The following ZFP37 variants were observed in gnomAD, a reference collection of about 807,000 sequenced individuals.
ZFP37 encodes the protein ZFP37 zinc finger protein.
A neutral mutation model predicts 52.1 loss-of-function variants in ZFP37; 38 were observed. The observed-to-expected ratio is 0.73, with a 90% CI of 0.56 to 0.96. The LOEUF (loss-of-function observed/expected upper bound fraction) is 0.96. Ranked by LOEUF, ZFP37 falls within the 40% of genes least tolerant of loss-of-function variation. The probability of loss-of-function intolerance (pLI) is 0.00; values close to 1 mark genes in which losing one functional copy is unlikely to be tolerated. For missense variants in ZFP37, 695 were observed against 741.4 expected (o/e 0.94, Z 0.73); for synonymous variants, 253 against 259.5 (o/e 0.98, Z 0.24).
In ZFP37 at chr9:113,049,994, T is replaced by TTACCTTGAC. The variant is rs1829028129; in HGVS notation, c.133-131_133-123dup. On this transcript the variant is annotated intron_variant, in intron 1 of 3. Coordinates refer to ENST00000374227, the MANE Select transcript of ZFP37 (RefSeq NM_003408.3). ...ATTTGGACAAGATAATAATTTGTTCTTACCTTGACTACTCACTGTTGATCA... is the reference window on the plus strand; with the variant it reads ...ATTTGGACAAGATAATAATTTGTTCTTACCTTGACTACCTTGACTACTCACTGTTGATCA... 2.8e-6 allele frequency: 4 copies of TTACCTTGAC among 1,450,938 alleles called. No individual in the cohort carries two copies. The Admixed American group carries it at 8.6e-5, about 31-fold the overall frequency. The allele number at this position is 1,450,938 out of a possible 1,614,324, so 89.9% of individuals were successfully genotyped here. A position where few individuals can be genotyped will look rare whatever the true frequency, so the allele number is the denominator to read the frequency against.
At chr9:113,049,725 A>G in intron 2 of ZFP37, 66 bp downstream of exon 2, 1 of 1,574,562 alleles carries the variant, frequency 6.4e-7, no homozygotes, top group Non-Finnish European at 8.6e-7. Context: ...GGCCAAACTT[A>G]TCAAGGACTC....
At chr9:113,045,409 T>C (rs1392190120) in intron 3 of ZFP37, among the ~76,000 whole-genome samples, 1 of 152,216 alleles carries the variant, frequency 6.6e-6, no homozygotes, top group Non-Finnish European at 1.5e-5. Context: ...CTCAATCTGA[T>C]TTGTAGTGTA....
At chr9:113,051,830 C>T (rs530533024) in intron 1 of ZFP37, among the ~76,000 whole-genome samples, 1 of 152,270 alleles carries the variant, frequency 6.6e-6, no homozygotes, top group South Asian at 2.1e-4. Flanking sequence ...CCAATAATTT[C>T]CCATCATTGA....
chr9:113,050,236 C>T (rs1829031562), intron 1 of ZFP37, among the ~76,000 whole-genome samples: 2 of 151,594 alleles, frequency 1.3e-5, no homozygotes, highest in Non-Finnish European at 2.9e-5. Context: ...AAATACAAAA[C>T]GTAGCTGGGC....
Position 113,044,277 on chromosome 9 carries a change from G to A in ZFP37, c.350-9C>T, listed in dbSNP as rs779851882. On this transcript the variant is annotated splice_polypyrimidine_tract_variant and intron_variant, in intron 3 of 3. Transcript: ENST00000374227. ...ATCATCTTTCTGGACTTCTAAAATGGAATTCAGTGAGATATTCTTGTGAAT... is the reference window on the plus strand; with the variant it reads ...ATCATCTTTCTGGACTTCTAAAATGAAATTCAGTGAGATATTCTTGTGAAT... 2 of 1,539,816 alleles carry A rather than the reference G, an allele frequency of 1.3e-6. No homozygotes were observed. Among genetic ancestry groups the A allele is most frequent in the Admixed American group, 4.5e-5 (2 of 44,062 alleles).
rs767253012 is a variant in ZFP37, at chr9:113,042,970, A to G, written c.1648T>C (p.Cys550Arg). ...TGEKPYECNE[C>R]GKAFSQKSHL... The stretch of plus-strand genomic sequence containing the variant: ...GACTTTTGGCTAAAGGCTTTCCCAC[A>G]TTCATTACACTCATACGGTTTCTCT... Residue 550 changes from cysteine to arginine, a missense_variant, in exon 4 of 4, where the codon TGT becomes CGT. Transcript: ENST00000374227. 57 of 1,613,842 alleles carry G rather than the reference A, an allele frequency of 3.5e-5. 2 individuals are homozygous for G. In the Middle Eastern group the frequency reaches 8.2e-4, roughly 23 times the overall value.
Position 113,044,130 on chromosome 9 carries a change from A to G in ZFP37, c.488T>C (p.Leu163Ser). ...DCGSLGKKNN[L>S]HKKHVPSKKR... ...CTTTGAAGGAACATGTTTTTTATGC[A>G]AATTATTTTTTTTCCCCAGTGAACC... The change falls in exon 4 of 4, where the codon TTG becomes TCG. Residue 163 changes from leucine (L) to serine (S), a missense_variant. Leu to Ser is a moderately radical substitution (Grantham distance 145, BLOSUM62 -2). Around this residue, in one of 2 missense-constraint regions of ZFP37, gnomAD observed 369 missense variants for 340.9 expected, o/e 1.08. Coordinates refer to ENST00000374227, the MANE Select transcript of ZFP37 (RefSeq NM_003408.3). The G allele has an allele frequency of 1.2e-6, 2 of 1,611,574 alleles. No individual in the cohort carries two copies. Among genetic ancestry groups the G allele is most frequent in the Non-Finnish European group, 1.7e-6 (2 of 1,179,434 alleles).
At position 113,042,133 on chromosome 9, in the gene ZFP37, C is replaced by T. The variant is rs186936327; in HGVS notation, c.*592G>A. ...TACTTTTTCACACTTCACAATATAT[C>T]TTGAATATCGCTCCCTACCAGCACA... On this transcript the variant is annotated 3_prime_UTR_variant, in exon 4 of 4. Transcript: ENST00000374227. 6.6e-6 allele frequency: 1 copy of T among 152,372 alleles called. No homozygotes were observed. The highest frequency in any genetic ancestry group is 1.9e-4 in the East Asian group (1 of 5,194). 9.4% of individuals were successfully genotyped at this position (152,372 alleles called of 1,614,324 possible). A position where few individuals can be genotyped will look rare whatever the true frequency, so the allele number is the denominator to read the frequency against.
Position 113,056,604 on chromosome 9 carries a change from C to G in ZFP37, c.85G>C (p.Gly29Arg). 6.2e-7 allele frequency: 1 copy of G among 1,613,942 alleles called. No individual in the cohort carries two copies. Among genetic ancestry groups the G allele is most frequent in the Non-Finnish European group, 8.5e-7 (1 of 1,180,026 alleles). ...RRSAETTKEA[G>R]RPLEMAVSEP... ...GACACAGCCATCTCCAGTGGTCGCCCGGCCTCTTTGGTCGTTTCCGCACTT... is the reference window on the plus strand; with the variant it reads ...GACACAGCCATCTCCAGTGGTCGCCGGGCCTCTTTGGTCGTTTCCGCACTT... Residue 29 changes from glycine (G) to arginine (R), a missense_variant, in exon 1 of 4, where the codon GGG (glycine) becomes CGG (arginine). Transcript: ENST00000374227.
At position 113,043,962 on chromosome 9, in the gene ZFP37, G is replaced by A. The variant is rs1828906056; in HGVS notation, c.656C>T (p.Thr219Ile). The A allele has an allele frequency of 6.2e-7, 1 of 1,613,878 alleles. No homozygotes were observed. The highest frequency in any genetic ancestry group is 8.5e-7 in the Non-Finnish European group (1 of 1,179,880). The change falls in exon 4 of 4, where the codon ACA (threonine) becomes ATA (isoleucine). Residue 219 changes from threonine to isoleucine, a missense_variant. Coordinates refer to ENST00000374227, the MANE Select transcript of ZFP37 (RefSeq NM_003408.3). ...TCCAGTTTGCTTTTTGCCTTTCCTT[G>A]TATCAGATAAGCTATGGTTGAATGA... ...KKSFNHSLSD[T>I]RKGKKQTGKK...
chr9:113,054,876 A>G (rs10981622), intron 1 of ZFP37, among the ~76,000 whole-genome samples: 9,535 of 152,186 alleles, frequency 0.063, 350 homozygotes, highest in Middle Eastern at 0.16. Context: ...TGACCTCCCT[A>G]TATCTACCTA....
chr9:113,043,447 T>C lies in ZFP37; in HGVS notation c.1171A>G (p.Asn391Asp), dbSNP rs1284235319. 1 of 1,614,046 alleles carries C rather than the reference T, an allele frequency of 6.2e-7. No homozygotes were observed. Among genetic ancestry groups the C allele is most frequent in the Non-Finnish European group, 8.5e-7 (1 of 1,179,952 alleles). The change falls in exon 4 of 4, where the codon AAC becomes GAC. Residue 391 changes from asparagine (N) to aspartate (D), a missense_variant. By Grantham distance (23) the Asn-to-Asp change is conservative. Coordinates refer to ENST00000374227, the MANE Select transcript of ZFP37 (RefSeq NM_003408.3). ...ECGKTFRHSSNLIQHVRSHTG... is the reference protein window; with the variant it reads ...ECGKTFRHSSDLIQHVRSHTG... ...TGAGATCTCACATGTTGAATAAGGTTTGAGCTGTGTCTGAAGGTTTTCCCA... is the reference window on the plus strand; with the variant it reads ...TGAGATCTCACATGTTGAATAAGGTCTGAGCTGTGTCTGAAGGTTTTCCCA...
Position 113,044,082 on chromosome 9 carries a change from G to A in ZFP37, c.536C>T (p.Ser179Leu). 1 of 1,609,348 alleles carries A rather than the reference G, an allele frequency of 6.2e-7. No individual in the cohort carries two copies. Among genetic ancestry groups the A allele is most frequent in the Non-Finnish European group, 8.5e-7 (1 of 1,178,894 alleles). Residue 179 changes from serine (S) to leucine (L), a missense_variant, in exon 4 of 4, where the codon TCA becomes TTA. By Grantham distance (145) the Ser-to-Leu change is moderately radical. Coordinates refer to ENST00000374227, the MANE Select transcript of ZFP37 (RefSeq NM_003408.3). ...ATTCTGTTTCAAAATTTTTCCACAT[G>A]ACTCAAATTTAAGAAGCCTTTTCTT... Reference protein sequence around the residue: ...PSKKRLLKFESCGKILKQNLD... With the variant: ...PSKKRLLKFELCGKILKQNLD...
chr9:113,056,183 C>G (rs947935695), intron 1 of ZFP37, among the ~76,000 whole-genome samples: 2 of 152,132 alleles, frequency 1.3e-5, no homozygotes, highest in African/African-American at 4.8e-5. Flanking sequence ...TCTTTGATAA[C>G]CCAGGCTCTA....
chr9:113,055,700 T>C (rs1829128907), intron 1 of ZFP37, among the ~76,000 whole-genome samples: 1 of 152,054 alleles, frequency 6.6e-6, no homozygotes, highest in Admixed American at 6.5e-5. Context: ...ACTATCACTC[T>C]CCACAGAACA....
Position 113,042,489 on chromosome 9 carries a change from T to C in ZFP37, c.*236A>G. ...AAAGCTTTCAATTTCAATCTGAACA[T>C]GTAGATCATTTATAATAATTGAGTA... On this transcript the variant is annotated 3_prime_UTR_variant, in exon 4 of 4. Transcript: ENST00000374227. 2.6e-6 allele frequency: 1 copy of C among 377,396 alleles called. No homozygotes were observed. Among genetic ancestry groups the C allele is most frequent in the Non-Finnish European group, 4.7e-6 (1 of 212,734 alleles). The allele number at this position is 377,396 out of a possible 1,614,324, so 23.4% of individuals were successfully genotyped here.
chr9:113,054,675 C>A (rs76184376), intron 1 of ZFP37, among the ~76,000 whole-genome samples: 3 of 152,168 alleles, frequency 2.0e-5, no homozygotes, highest in Admixed American at 2.0e-4. Flanking sequence ...ACCATCCATC[C>A]GGTTCTTCAG....
chr9:113,054,084 ACTCT>A (rs1450133431), intron 1 of ZFP37, among the ~76,000 whole-genome samples: 1 of 151,844 alleles, frequency 6.6e-6, no homozygotes, highest in Admixed American at 6.6e-5. Context: ...CTTTCAACTC[ACTCT>A]AACAGGATAT....
intron 1 of ZFP37, among the ~76,000 whole-genome samples, chr9:113,050,740 T>A (rs927497710): frequency 1.3e-5 from 2 of 151,808 alleles, no homozygotes; most frequent in South Asian, 4.2e-4. Context: ...CTATTAAAAA[T>A]ACAAAAATGA....
Sources: gnomAD v4.1 joint callset for allele counts (sites outside exome capture counted in the v4.1 genomes callset) on GRCh38, gnomAD v4.1.1 for gene constraint, gnomAD v4.1.1 regional missense constraint, MANE v1.5 for transcripts, NCBI Gene and HGNC (gene_info 2026-07-23, HGNC 2026-07-21) for gene names.